The following TMEM18 variants were observed in gnomAD, a reference collection of about 807,000 sequenced individuals.
The protein encoded by TMEM18 is transmembrane protein 18.
Under a neutral mutation model 17.4 loss-of-function variants are expected in TMEM18, and 14 were observed. That is an observed-to-expected ratio of 0.80 (90% CI 0.53 to 1.25). TMEM18 has a LOEUF of 1.25. Ranked by LOEUF, TMEM18 falls within the 50% of genes most tolerant of loss-of-function variation. The pLI, the probability that TMEM18 is intolerant of heterozygous loss-of-function variation, is 0.00. For missense variants in TMEM18, 187 were observed against 172.1 expected (o/e 1.09, Z -0.48); for synonymous variants, 86 against 66.1 (o/e 1.30, Z -1.46).
Position 667,264 on chromosome 2 carries a change from T to C in TMEM18, c.*2316A>G, listed in dbSNP as rs1678718393. On this transcript the variant is annotated 3_prime_UTR_variant, in exon 5 of 5. Transcript: ENST00000281017. The stretch of plus-strand genomic sequence containing the variant: ...AAAGGTGGAGCTAAGTTCCAGGTGC[T>C]CCTGTTTCCAGTTACAGTAAGGTGC... 6.6e-6 allele frequency: 1 copy of C among 152,058 alleles called. No homozygotes were observed. The highest frequency in any genetic ancestry group is 1.5e-5 in the Non-Finnish European group (1 of 68,012). 9.4% of individuals were successfully genotyped at this position (152,058 alleles called of 1,614,324 possible).
In TMEM18 at chr2:675,407, G is replaced by A. The variant is rs544788146; in HGVS notation, c.178+103C>T. 3.9e-6 allele frequency: 6 copies of A among 1,527,808 alleles called. No homozygotes were observed. The Admixed American group carries it at 8.6e-5, about 22-fold the overall frequency. 94.6% of individuals were successfully genotyped at this position (1,527,808 alleles called of 1,614,324 possible). ...GCAGGCACATGACAGAGGGTTGGGA[G>A]GTCTTGTAAAAATATGTATATATTT... On this transcript the variant is annotated intron_variant, in intron 2 of 4. Coordinates refer to ENST00000281017, the MANE Select transcript of TMEM18 (RefSeq NM_152834.4).
chr2:676,492 C>T, intron 1 of TMEM18: 1 of 1,507,482 alleles, frequency 6.6e-7, no homozygotes, highest in South Asian at 1.2e-5. Context: ...TCACTACTCT[C>T]TGCTGGGGAC....
At chr2:670,798 G>A (rs1314034465) in intron 3 of TMEM18, 1 of 152,712 alleles carries the variant, frequency 6.5e-6, no homozygotes, top group Non-Finnish European at 1.5e-5. Context: ...CATCACTGCA[G>A]GACTCCGCGT....
chr2:663,891 A>G lies in TMEM18; in HGVS notation c.*5689T>C, dbSNP rs1678607259. Among the ~76,000 whole-genome samples, 1 of 152,224 alleles carries G rather than the reference A, an allele frequency of 6.6e-6. No individual in the cohort carries two copies. The highest frequency in any genetic ancestry group is 1.5e-5 in the Non-Finnish European group (1 of 68,042). On this transcript the variant is annotated 3_prime_UTR_variant, in exon 5 of 5. Transcript: ENST00000281017. Reference sequence around the variant, plus strand: ...ACAGAGAAGAATTTAAAGAGCAAAAAAGCCAACATGAGTAACTTTATTTAT... The same window carrying G: ...ACAGAGAAGAATTTAAAGAGCAAAAGAGCCAACATGAGTAACTTTATTTAT...
chr2:666,931 T>C lies in TMEM18; in HGVS notation c.*2649A>G, dbSNP rs1396041652. Among the ~76,000 whole-genome samples the C allele has an allele frequency of 4.0e-5, 6 of 151,758 alleles. No individual in the cohort carries two copies. The highest frequency in any genetic ancestry group is 3.9e-4 in the Admixed American group (6 of 15,244). On this transcript the variant is annotated 3_prime_UTR_variant, in exon 5 of 5. Transcript: ENST00000281017. ...TGCTTGGGCCTGACCGGTATATCTC[T>C]GACGGCAATTCTCGTCTGTCTTTAA...
intron 2 of TMEM18, among the ~76,000 whole-genome samples, chr2:674,106 C>G (rs1401892714): frequency 6.6e-6 from 1 of 152,224 alleles, no homozygotes; most frequent in Non-Finnish European, 1.5e-5. Flanking sequence ...AAATCCAACT[C>G]TTGGCTGGTT....
At chr2:672,732 G>A (rs757412994) in intron 3 of TMEM18, 76 bp downstream of exon 3, 203 of 1,310,568 alleles carry the variant, frequency 1.5e-4, no homozygotes, top group Non-Finnish European at 1.4e-4. Flanking sequence ...TCTCCTCCGC[G>A]AGTCCCACCG....
chr2:676,137 A>G (rs1442834897), intron 1 of TMEM18: 12 of 1,326,302 alleles, frequency 9.0e-6, no homozygotes, highest in Non-Finnish European at 1.2e-5. Flanking sequence ...AGCCATCGCC[A>G]CGTGCAAGAC....
rs986214133 is a variant in TMEM18 at position 675,576 on chromosome 2, A to G, written c.112T>C (p.Cys38Arg). 1 of 1,614,138 alleles carries G rather than the reference A, an allele frequency of 6.2e-7. No homozygotes were observed. Among genetic ancestry groups the G allele is most frequent in the African/African-American group, 1.3e-5 (1 of 74,948 alleles). The change falls in exon 2 of 5, where the codon TGC (cysteine) becomes CGC (arginine). Residue 38 changes from cysteine (C) to arginine (R), a missense_variant. Transcript: ENST00000281017. ...LMGLATFHAL[C>R]VLLTCLSSRS... Reference sequence around the variant, plus strand: ...GAGGACAAGCAGGTGAGGAGCACGCAGAGCGCGTGGAAGGTGGCCAGCCCC... The same window carrying G: ...GAGGACAAGCAGGTGAGGAGCACGCGGAGCGCGTGGAAGGTGGCCAGCCCC...
intron 1 of TMEM18, 80 bp from the exon 2 acceptor site, chr2:675,710 C>A (rs746791998): frequency 2.5e-6 from 4 of 1,571,894 alleles, no homozygotes; most frequent in East Asian, 4.6e-5. Flanking sequence ...CTTCTCCCAG[C>A]GCAGGAGGCA....
In TMEM18 at chr2:664,477, C is replaced by T. The variant is rs1389223636; in HGVS notation, c.*5103G>A. Among the ~76,000 whole-genome samples, 4 of 152,058 alleles carry T rather than the reference C, an allele frequency of 2.6e-5. No homozygotes were observed. The highest frequency in any genetic ancestry group is 4.4e-5 in the Non-Finnish European group (3 of 68,004). On this transcript the variant is annotated 3_prime_UTR_variant, in exon 5 of 5. Transcript: ENST00000281017. ...CCATATTGCAAAACAAAGAAGAATA[C>T]GAACAGATTATTCACTAAAAAAATG... is the stretch of plus-strand genomic sequence containing the variant.
chr2:670,583 T>G (rs1213592351), intron 3 of TMEM18: 1 of 152,614 alleles, frequency 6.6e-6, no homozygotes, highest in South Asian at 2.1e-4. Flanking sequence ...GGGCAGTGGG[T>G]CAACACCTCA....
In TMEM18 at chr2:665,328, C is replaced by CAG. The variant is rs1678654468; in HGVS notation, c.*4250_*4251dup. 6.6e-6 allele frequency among the ~76,000 whole-genome samples: 1 copy of CAG among 151,984 alleles called. No individual in the cohort carries two copies. Among genetic ancestry groups the CAG allele is most frequent in the Non-Finnish European group, 1.5e-5 (1 of 67,998 alleles). On this transcript the variant is annotated 3_prime_UTR_variant, in exon 5 of 5. Coordinates refer to ENST00000281017, the MANE Select transcript of TMEM18 (RefSeq NM_152834.4). ...CCACATAAAATAGAACCCAGAGATG[C>CAG]AGATGCACCACTCACTCAGATAGAG...
At chr2:673,564 A>C in intron 2 of TMEM18, among the ~76,000 whole-genome samples, 1 of 152,194 alleles carries the variant, frequency 6.6e-6, no homozygotes, top group African/African-American at 2.4e-5. Flanking sequence ...TGATGCTTCA[A>C]CTTCCAAGGT....
intron 1 of TMEM18, chr2:676,156 C>T (rs1230308407): frequency 7.5e-7 from 1 of 1,332,334 alleles, no homozygotes; most frequent in African/African-American, 1.5e-5. Flanking sequence ...ACTTGATTTT[C>T]TCCAACCTCT....
intron 3 of TMEM18, chr2:670,090 C>T (rs1349622333): frequency 4.1e-6 from 2 of 483,714 alleles, no homozygotes; most frequent in African/African-American, 2.0e-5. Context: ...CCCAGCAGCA[C>T]AGGAAAGACC....
Position 664,872 on chromosome 2 carries a change from G to A in TMEM18, c.*4708C>T, listed in dbSNP as rs541151707. The stretch of plus-strand genomic sequence containing the variant: ...ATCTCTAATATCAGTAACTGGTTAC[G>A]TAAATTCAGCCTATACCCCTACAAT... On this transcript the variant is annotated 3_prime_UTR_variant, in exon 5 of 5. Transcript: ENST00000281017. Among the ~76,000 whole-genome samples, 115 of 152,278 alleles carry A rather than the reference G, an allele frequency of 7.6e-4. No homozygotes were observed. Among genetic ancestry groups the A allele is most frequent in the African/African-American group, 2.6e-3 (108 of 41,550 alleles).
intron 1 of TMEM18, chr2:676,018 GA>G (rs1678994922): frequency 1.5e-6 from 2 of 1,308,074 alleles, no homozygotes; most frequent in East Asian, 1.0e-4. Flanking sequence ...TGACGACAAG[GA>G]AATTAAGACG....
In TMEM18 at chr2:664,885, A is replaced by G. The variant is rs867506748; in HGVS notation, c.*4695T>C. Among the ~76,000 whole-genome samples, 3 of 152,324 alleles carry G rather than the reference A, an allele frequency of 2.0e-5. No individual in the cohort carries two copies. The highest frequency in any genetic ancestry group is 3.4e-3 in the Middle Eastern group (1 of 294). ...GTAACTGGTTACGTAAATTCAGCCT[A>G]TACCCCTACAATGTGTTTACTATGC... On this transcript the variant is annotated 3_prime_UTR_variant, in exon 5 of 5. Transcript: ENST00000281017.
Sources: allele counts gnomAD v4.1 joint callset (sites outside exome capture counted in the v4.1 genomes callset), GRCh38; gene constraint gnomAD v4.1.1; transcripts MANE v1.5; gene names NCBI Gene and HGNC (gene_info 2026-07-23, HGNC 2026-07-21).